Variants in STRAP observed in about 807,000 individuals in gnomAD.
STRAP encodes the protein serine-threonine kinase receptor-associated protein.
In STRAP, 16 loss-of-function variants were observed where a neutral mutation model predicts 47.0. That is an observed-to-expected ratio of 0.34 (90% CI 0.23 to 0.52). The LOEUF (loss-of-function observed/expected upper bound fraction) is 0.52. Ranked by LOEUF, STRAP falls within the 20% of genes least tolerant of loss-of-function variation. STRAP has a pLI of 0.96. For synonymous variants in STRAP, 130 were observed against 142.7 expected (o/e 0.91, Z 0.63); for missense variants, 293 against 420.0 (o/e 0.70, Z 2.64).
chr12:15,893,828 T>C (rs983382529), intron 4 of STRAP, among the ~76,000 whole-genome samples: 6 of 151,934 alleles, frequency 3.9e-5, no homozygotes, highest in African/African-American at 1.4e-4. Context: ...ATAGCAAGCA[T>C]GGTAGTTCCT....
intron 4 of STRAP, among the ~76,000 whole-genome samples, chr12:15,891,135 CT>C (rs999753142): frequency 3.3e-5 from 5 of 151,490 alleles, no homozygotes; most frequent in Non-Finnish European, 7.4e-5. Flanking sequence ...AACTTTCAGT[CT>C]TTTTTTCTGC....
At chr12:15,884,039 G>T (rs574545366) in intron 2 of STRAP, among the ~76,000 whole-genome samples, 67 of 152,018 alleles carry the variant, frequency 4.4e-4, no homozygotes, top group Non-Finnish European at 8.5e-4. Context: ...TTTCAATCCC[G>T]GTTTTTGTTA....
At chr12:15,886,849 T>C (rs1200027794) in intron 2 of STRAP, among the ~76,000 whole-genome samples, 1 of 152,212 alleles carries the variant, frequency 6.6e-6, no homozygotes, top group Admixed American at 6.5e-5. Context: ...TTTAGCAGAA[T>C]AGGTCTGTGG....
At chr12:15,902,770 GTGCAGT>G (rs1948115510) in intron 9 of STRAP, 141 bp from the exon 10 acceptor site, 1 of 887,242 alleles carries the variant, frequency 1.1e-6, no homozygotes, top group African/African-American at 1.7e-5. Flanking sequence ...TTAGTGGCAT[GTGCAGT>G]TGCTCTCTTC....
rs543982596 is a variant in STRAP, at chr12:15,894,417, C to T, written c.500+274C>T. 1.1e-4 allele frequency among the ~76,000 whole-genome samples: 17 copies of T among 152,300 alleles called. No individual in the cohort carries two copies. The highest frequency in any genetic ancestry group is 4.1e-4 in the African/African-American group (17 of 41,566). On this transcript the variant is annotated intron_variant, in intron 5 of 9. Transcript: ENST00000419869. This position sits in a 1 kb window ranked among gnomAD's most constrained non-coding sequence, Gnocchi z 4.9. ...GAGGTTGCGGTGAGTCGAGATCGTG[C>T]CATTGCACTCTAGCCTGGGCGACAG...
At chr12:15,893,385 G>A (rs906098244) in intron 4 of STRAP, among the ~76,000 whole-genome samples, 7 of 147,538 alleles carry the variant, frequency 4.7e-5, no homozygotes, top group Non-Finnish European at 1.0e-4. Context: ...ATTATGCCAC[G>A]TTAATTATTT....
intron 2 of STRAP, among the ~76,000 whole-genome samples, chr12:15,884,572 ATTT>A (rs1175141152): frequency 6.7e-6 from 1 of 150,036 alleles, no homozygotes; most frequent in Admixed American, 6.6e-5. Context: ...ATTTAAAAAT[ATTT>A]TTTAATACTT....
At chr12:15,883,268 T>C (rs781481927) in intron 1 of STRAP, 1 of 1,005,130 alleles carries the variant, frequency 9.9e-7, no homozygotes, top group Non-Finnish European at 1.5e-6. Context: ...CAGGCTAAGA[T>C]GTCTGTCCAA....
At chr12:15,899,232 A>G (rs1948084078) in intron 7 of STRAP, among the ~76,000 whole-genome samples, 1 of 152,234 alleles carries the variant, frequency 6.6e-6, no homozygotes. Flanking sequence ...GATGGGAGAC[A>G]GAATAGGAAC....
chr12:15,883,264 A>G (rs1391261962), intron 1 of STRAP: 1 of 1,021,446 alleles, frequency 9.8e-7, no homozygotes, highest in Non-Finnish European at 1.4e-6. Context: ...GATTCAGGCT[A>G]AGATGTCTGT....
Position 15,894,165 on chromosome 12 carries a change from A to G in STRAP, c.500+22A>G, listed in dbSNP as rs776087769. ...TTCGGTAAGTAATTTTTCTTTAATA[A>G]TTTACAATTTAAGGCCGGGCATGGT... On this transcript the variant is annotated intron_variant, in intron 5 of 9. Coordinates refer to ENST00000419869, the MANE Select transcript of STRAP (RefSeq NM_007178.4). The surrounding 1 kb of genome is among the most constrained non-coding windows in gnomAD (Gnocchi z 4.9). The G allele has an allele frequency of 1.0e-5, 16 of 1,595,096 alleles. No homozygotes were observed. The highest frequency in any genetic ancestry group is 1.2e-5 in the Non-Finnish European group (14 of 1,164,688).
chr12:15,900,149 A>T lies in STRAP; in HGVS notation c.925+96A>T, dbSNP rs1191848605. The T allele has an allele frequency of 2.4e-6, 3 of 1,260,950 alleles. No homozygotes were observed. The East Asian group carries it at 7.7e-5, about 33-fold the overall frequency. 78.1% of individuals were successfully genotyped at this position (1,260,950 alleles called of 1,614,324 possible). A position where few individuals can be genotyped will look rare whatever the true frequency, so the allele number is the denominator to read the frequency against. The stretch of plus-strand genomic sequence containing the variant: ...TTATTTCAGGGTTCCTGTTTTCTAT[A>T]AATTTTAAATTATATATTATGGTTT... On this transcript the variant is annotated intron_variant, in intron 8 of 9. Coordinates refer to ENST00000419869, the MANE Select transcript of STRAP (RefSeq NM_007178.4).
Position 15,890,857 on chromosome 12 carries a change from C to T in STRAP, c.403+188C>T, listed in dbSNP as rs918610677. On this transcript the variant is annotated intron_variant, in intron 4 of 9. Coordinates refer to ENST00000419869, the MANE Select transcript of STRAP (RefSeq NM_007178.4). This position sits in a 1 kb window ranked among gnomAD's most constrained non-coding sequence, Gnocchi z 4.5. ...GGTGGATCACTTGAGGTCAGGAGTT[C>T]GAGACCAGCCTGGCCAACATGGCAA... is the stretch of plus-strand genomic sequence containing the variant. Among the ~76,000 whole-genome samples the T allele has an allele frequency of 2.6e-5, 4 of 151,936 alleles. No homozygotes were observed. Among genetic ancestry groups the T allele is most frequent in the African/African-American group, 7.3e-5 (3 of 41,350 alleles).
rs997662338 is a variant in STRAP at position 15,896,554 on chromosome 12, A to G, written c.638+1058A>G. Reference sequence around the variant, plus strand: ...GTACAGTATTTGTGTTTTTTTTTTTAATTACTAGGACCATAATGAATACCA... The same window carrying G: ...GTACAGTATTTGTGTTTTTTTTTTTGATTACTAGGACCATAATGAATACCA... On this transcript the variant is annotated intron_variant, in intron 6 of 9. Transcript: ENST00000419869. The surrounding 1 kb of genome is among the most constrained non-coding windows in gnomAD (Gnocchi z 4.1). 6.6e-6 allele frequency among the ~76,000 whole-genome samples: 1 copy of G among 150,628 alleles called. No individual in the cohort carries two copies. The highest frequency in any genetic ancestry group is 2.4e-5 in the African/African-American group (1 of 41,008).
At chr12:15,891,977 A>G (rs1032200602) in intron 4 of STRAP, among the ~76,000 whole-genome samples, 1 of 152,166 alleles carries the variant, frequency 6.6e-6, no homozygotes, top group Non-Finnish European at 1.5e-5. Flanking sequence ...GAAGCCATTG[A>G]TAGATACTAC....
At position 15,903,188 on chromosome 12, in the gene STRAP, C is replaced by A; in HGVS notation, c.*210C>A. ...TCAGATGAAGGGAGGTGGAGTTATC[C>A]TCTTATAGTACAGTGGCCTGTTATC... On this transcript the variant is annotated 3_prime_UTR_variant, in exon 10 of 10. Transcript: ENST00000419869. 2.3e-6 allele frequency: 1 copy of A among 434,086 alleles called. No homozygotes were observed. The highest frequency in any genetic ancestry group is 4.0e-6 in the Non-Finnish European group (1 of 250,234). The allele number at this position is 434,086 out of a possible 1,614,324, so 26.9% of individuals were successfully genotyped here.
intron 4 of STRAP, among the ~76,000 whole-genome samples, chr12:15,892,833 T>C (rs945317288): frequency 9.9e-5 from 15 of 152,156 alleles, no homozygotes; most frequent in Admixed American, 7.9e-4. Context: ...AGTTCAGGGA[T>C]TGGGTCAAAG....
chr12:15,885,023 G>GTATCATATTT (rs916267480), intron 2 of STRAP, among the ~76,000 whole-genome samples: 6 of 152,056 alleles, frequency 3.9e-5, no homozygotes, highest in Non-Finnish European at 5.9e-5. Context: ...TTTTGGGAAT[G>GTATCATATTT]TATCATATTT....
At position 15,900,944 on chromosome 12, in the gene STRAP, CAGA is replaced by C; in HGVS notation, c.930_932del (p.Glu310del). ...ATAATCGTCATTGCTTTTCTTTTTA[CAGA>C]AGAAGATAGTGGTGAGCTGGCAAAG... On this transcript the variant is annotated splice_acceptor_variant and coding_sequence_variant, in exon 9 of 10. Transcript: ENST00000419869. LOFTEE classifies it high-confidence loss of function. 6.3e-7 allele frequency: 1 copy of C among 1,576,638 alleles called. No individual in the cohort carries two copies. The highest frequency in any genetic ancestry group is 8.6e-7 in the Non-Finnish European group (1 of 1,163,586).
Sources: allele counts gnomAD v4.1 joint callset (sites outside exome capture counted in the v4.1 genomes callset), GRCh38; gene constraint gnomAD v4.1.1; non-coding constraint Gnocchi (gnomAD v3.1); transcripts MANE v1.5; gene names NCBI Gene and HGNC (gene_info 2026-07-23, HGNC 2026-07-21).